MAGI2: variants seen among roughly 807,000 people sequenced by gnomAD.
The protein encoded by MAGI2 is membrane associated guanylate kinase, WW and PDZ domain containing 2.
MAGI2 carries 35 observed loss-of-function variants against 133.3 expected under a neutral mutation model. That is an observed-to-expected ratio of 0.26 (90% CI 0.20 to 0.35). MAGI2 has a LOEUF of 0.35. Ranked by LOEUF, MAGI2 falls within the 10% of genes least tolerant of loss-of-function variation. MAGI2 has a pLI of 1.00. For synonymous variants in MAGI2, 729 were observed against 710.6 expected, an observed-to-expected ratio of 1.03 and a Z score of -0.41; for missense variants, 1,636 against 1,863.4, an observed-to-expected ratio of 0.88 and a Z score of 2.25.
chr7:78,082,050 A>G (rs7807726), intron 20 of MAGI2, among the ~76,000 whole-genome samples: 3 of 152,062 alleles, frequency 2.0e-5, no homozygotes, highest in Non-Finnish European at 4.4e-5. Context: ...TCGAACCCCA[A>G]ATCGAATCTT....
At chr7:78,644,137 TA>T (rs1373054612) in intron 2 of MAGI2, among the ~76,000 whole-genome samples, 1 of 152,070 alleles carries the variant, frequency 6.6e-6, no homozygotes, top group Admixed American at 6.6e-5. Flanking sequence ...AAAAAAATAC[TA>T]AATGTTTATG....
chr7:79,014,637 T>A (rs1388614316), intron 1 of MAGI2, among the ~76,000 whole-genome samples: 1 of 152,072 alleles, frequency 6.6e-6, no homozygotes, highest in Non-Finnish European at 1.5e-5. Context: ...CCATTTTTTT[T>A]AAAACTAGAG....
intron 2 of MAGI2, among the ~76,000 whole-genome samples, chr7:78,898,510 G>C (rs1797377680): frequency 6.6e-6 from 1 of 152,156 alleles, no homozygotes; most frequent in Non-Finnish European, 1.5e-5. Flanking sequence ...GCAGGAACGT[G>C]GATGGAGCTG....
chr7:79,272,965 T>G (rs1425017459), intron 1 of MAGI2, among the ~76,000 whole-genome samples: 1 of 152,138 alleles, frequency 6.6e-6, no homozygotes, highest in East Asian at 1.9e-4. Context: ...CTAGCCTAGC[T>G]CTATTCCTAC....
At chr7:78,656,609 TG>T (rs1812306429) in intron 2 of MAGI2, among the ~76,000 whole-genome samples, 1 of 152,152 alleles carries the variant, frequency 6.6e-6, no homozygotes, top group Non-Finnish European at 1.5e-5. Context: ...AGAGATCTAA[TG>T]TACAGCATGA....
chr7:79,273,674 T>G (rs556396189), intron 1 of MAGI2, among the ~76,000 whole-genome samples: 4 of 135,136 alleles, frequency 3.0e-5, no homozygotes, highest in South Asian at 2.4e-4. Flanking sequence ...TGTTGTTGTT[T>G]TTTCTGCTTT....
intron 6 of MAGI2, among the ~76,000 whole-genome samples, chr7:78,376,182 C>T (rs567995878): frequency 2.0e-5 from 3 of 152,064 alleles, no homozygotes; most frequent in African/African-American, 4.8e-5. Context: ...TCCTTTTTAC[C>T]AGAAATCTTT....
chr7:78,573,305 TA>T (rs1801871461), intron 3 of MAGI2, among the ~76,000 whole-genome samples: 1 of 64,596 alleles, frequency 1.5e-5, no homozygotes, highest in Non-Finnish European at 2.6e-5. Context: ...TATATATTTA[TA>T]TATATAAATA....
intron 1 of MAGI2, among the ~76,000 whole-genome samples, chr7:79,385,667 G>A (rs375517400): frequency 6.6e-6 from 1 of 151,868 alleles, no homozygotes; most frequent in East Asian, 1.9e-4. Context: ...GAGAATGAAA[G>A]AGTGGTTATC....
At chr7:78,600,747 G>A (rs1337663591) in intron 3 of MAGI2, among the ~76,000 whole-genome samples, 1 of 152,076 alleles carries the variant, frequency 6.6e-6, no homozygotes. Context: ...GTGTGTGTGT[G>A]GGTGCATGTA....
At chr7:78,686,760 A>C (rs1335759925) in intron 2 of MAGI2, among the ~76,000 whole-genome samples, 1 of 152,132 alleles carries the variant, frequency 6.6e-6, no homozygotes, top group Non-Finnish European at 1.5e-5. Flanking sequence ...GACTATAATA[A>C]AGAAAAGAAA....
At chr7:78,835,091 T>C (rs184107231) in intron 2 of MAGI2, among the ~76,000 whole-genome samples, 2 of 152,184 alleles carry the variant, frequency 1.3e-5, no homozygotes, top group African/African-American at 2.4e-5. Flanking sequence ...TACAGGTATA[T>C]ACCCAGAAGT....
intron 3 of MAGI2, among the ~76,000 whole-genome samples, chr7:78,602,261 G>A (rs1805285665): frequency 6.6e-6 from 1 of 152,096 alleles, no homozygotes; most frequent in Non-Finnish European, 1.5e-5. Context: ...CCGGGTTCAA[G>A]CGATTCTCCT....
At chr7:78,730,462 G>A (rs2151223477) in intron 2 of MAGI2, among the ~76,000 whole-genome samples, 1 of 150,038 alleles carries the variant, frequency 6.7e-6, no homozygotes, top group South Asian at 2.1e-4. Flanking sequence ...CAATCAGTAG[G>A]CTTTATAGAA....
intron 1 of MAGI2, among the ~76,000 whole-genome samples, chr7:79,215,563 G>A (rs1829954646): frequency 6.6e-6 from 1 of 151,928 alleles, no homozygotes; most frequent in Non-Finnish European, 1.5e-5. Flanking sequence ...CAGGTCTTTA[G>A]ATAATAATTG....
intron 3 of MAGI2, among the ~76,000 whole-genome samples, chr7:78,605,713 G>A (rs1805735442): frequency 6.6e-6 from 1 of 152,170 alleles, no homozygotes; most frequent in Admixed American, 6.5e-5. Context: ...GGAAATCTAA[G>A]CACAAAGAGA....
At chr7:79,372,178 G>A (rs1013074817) in intron 1 of MAGI2, among the ~76,000 whole-genome samples, 14 of 152,140 alleles carry the variant, frequency 9.2e-5, no homozygotes, top group East Asian at 1.9e-4. Flanking sequence ...GGAGATTTCC[G>A]GGGCAGGGCC....
At chr7:78,358,110 C>A (rs1792288526) in intron 7 of MAGI2, among the ~76,000 whole-genome samples, 1 of 125,630 alleles carries the variant, frequency 8.0e-6, no homozygotes, top group South Asian at 2.6e-4. Flanking sequence ...CTGCAGTGAG[C>A]AGTGATTGCG....
At chr7:78,690,947 C>A (rs569590745) in intron 2 of MAGI2, among the ~76,000 whole-genome samples, 1 of 152,300 alleles carries the variant, frequency 6.6e-6, no homozygotes, top group African/African-American at 2.4e-5. Flanking sequence ...ACTAAACATG[C>A]ACATTCATAG....
Sources: gnomAD v4.1 joint callset for allele counts (sites outside exome capture counted in the v4.1 genomes callset) on GRCh38, gnomAD v4.1.1 for gene constraint, MANE v1.5 for transcripts, NCBI Gene and HGNC (gene_info 2026-07-23, HGNC 2026-07-21) for gene names.